Variants in STK31 observed in about 807,000 individuals in gnomAD.
The protein encoded by STK31 is serine/threonine kinase 31, also known as serine/threonine-protein kinase 31.
In STK31, 89 loss-of-function variants were observed where a neutral mutation model predicts 129.7. The ratio of observed to expected loss-of-function variants is 0.69; its 90% CI spans 0.58 to 0.82. The LOEUF (loss-of-function observed/expected upper bound fraction) is 0.82. Among genes scored for constraint, STK31 ranks in the 40% least tolerant of loss-of-function variants. The probability of loss-of-function intolerance (pLI) is 0.00; values close to 1 mark genes in which losing one functional copy is unlikely to be tolerated. For synonymous variants in STK31, 448 were observed against 395.3 expected (o/e 1.13, Z -1.58); for missense variants, 1,187 against 1,176.4 (o/e 1.01, Z -0.13).
chr7:23,791,045 GA>G, intron 22 of STK31, 99 bp downstream of exon 22: 1 of 1,117,192 alleles, frequency 9.0e-7, no homozygotes, highest in Non-Finnish European at 1.2e-6. Context: ...AAAAGCAGCA[GA>G]CTTTTAGTAG....
intron 23 of STK31, among the ~76,000 whole-genome samples, chr7:23,822,720 A>G (rs1213253503): frequency 6.6e-6 from 1 of 152,246 alleles, no homozygotes; most frequent in East Asian, 1.9e-4. Flanking sequence ...GTCATTTAGC[A>G]TTAGGTGTAT....
At chr7:23,727,556 C>CTTTTTTTTTTTTTT (rs58066410) in intron 5 of STK31, 1 of 125,356 alleles carries the variant, frequency 8.0e-6, no homozygotes, top group Non-Finnish European at 1.3e-5. Flanking sequence ...TACCTCAGTT[C>CTTTTTTTTTTTTTT]TTTTTTTTTT....
intron 10 of STK31, among the ~76,000 whole-genome samples, chr7:23,756,397 G>A (rs1229465154): frequency 1.3e-5 from 2 of 152,118 alleles, no homozygotes; most frequent in South Asian, 2.1e-4. Context: ...CGTTTTTGGG[G>A]TGAGACGATG....
chr7:23,754,743 T>A (rs569224762), intron 10 of STK31, among the ~76,000 whole-genome samples: 9 of 152,278 alleles, frequency 5.9e-5, no homozygotes, highest in African/African-American at 2.2e-4. Flanking sequence ...AGTGAGAACA[T>A]GTAGTGTTTG....
At position 23,770,987 on chromosome 7, in the gene STK31, G is replaced by C; in HGVS notation, c.1714-18G>C. On this transcript the variant is annotated intron_variant, in intron 13 of 23. Coordinates refer to ENST00000355870, the MANE Select transcript of STK31 (RefSeq NM_031414.5). Reference sequence around the variant, plus strand: ...GATATTCCTTTGTGTATAATTCTATGTGTGTGATTTCATTTAGGATCAAGG... The same window carrying C: ...GATATTCCTTTGTGTATAATTCTATCTGTGTGATTTCATTTAGGATCAAGG... 1 of 1,603,448 alleles carries C rather than the reference G, an allele frequency of 6.2e-7. No individual in the cohort carries two copies. Among genetic ancestry groups the C allele is most frequent in the Non-Finnish European group, 8.5e-7 (1 of 1,175,712 alleles).
intron 8 of STK31, 135 bp from the exon 9 acceptor site, chr7:23,752,582 C>G: frequency 1.5e-6 from 1 of 666,776 alleles, no homozygotes; most frequent in East Asian, 2.9e-5. Flanking sequence ...CTCAAACCAT[C>G]TGTCCTCCTT....
intron 9 of STK31, among the ~76,000 whole-genome samples, chr7:23,753,484 C>A (rs148876168): frequency 1.3e-5 from 2 of 152,126 alleles, no homozygotes; most frequent in East Asian, 3.9e-4. Context: ...TTGGAATAAG[C>A]GGGTTGGAAA....
chr7:23,804,607 CTT>C (rs1483833937), intron 22 of STK31, among the ~76,000 whole-genome samples: 6 of 152,174 alleles, frequency 3.9e-5, no homozygotes, highest in East Asian at 1.9e-4. Context: ...TATTCCGACT[CTT>C]AATATATTTC....
At chr7:23,828,640 G>A (rs562658574) in intron 23 of STK31, among the ~76,000 whole-genome samples, 26 of 152,306 alleles carry the variant, frequency 1.7e-4, no homozygotes, top group Admixed American at 2.6e-4. Context: ...AGATGAACCC[G>A]TTACCTCAGT....
At position 23,712,149 on chromosome 7, in the gene STK31, C is replaced by T. The variant is rs1211047373; in HGVS notation, c.97+4C>T. 1 of 1,613,186 alleles carries T rather than the reference C, an allele frequency of 6.2e-7. No individual in the cohort carries two copies. The highest frequency in any genetic ancestry group is 8.5e-7 in the Non-Finnish European group (1 of 1,179,274). Reference sequence around the variant, plus strand: ...GAAGATACACATTACGATAAAGGTACTGACACTAAAAATTATTTTGGGGTG... The same window carrying T: ...GAAGATACACATTACGATAAAGGTATTGACACTAAAAATTATTTTGGGGTG... On this transcript the variant is annotated splice_donor_region_variant and intron_variant, in intron 2 of 23. Transcript: ENST00000355870.
At chr7:23,719,157 T>G (rs1786529823) in intron 4 of STK31, among the ~76,000 whole-genome samples, 1 of 152,098 alleles carries the variant, frequency 6.6e-6, no homozygotes, top group African/African-American at 2.4e-5. Context: ...TTTTTTCACT[T>G]TAATTTTCAT....
intron 8 of STK31, among the ~76,000 whole-genome samples, chr7:23,746,143 C>T (rs1000420632): frequency 2.0e-5 from 3 of 152,148 alleles, no homozygotes; most frequent in Admixed American, 6.5e-5. Context: ...AAAATGGCAG[C>T]ATGCTGTAGT....
chr7:23,762,304 A>G (rs983323897), intron 10 of STK31, among the ~76,000 whole-genome samples: 1 of 147,454 alleles, frequency 6.8e-6, no homozygotes, highest in African/African-American at 2.5e-5. Flanking sequence ...TACAGGATGG[A>G]TATATTAATA....
chr7:23,774,761 G>A (rs1383322444), intron 15 of STK31, among the ~76,000 whole-genome samples: 1 of 152,146 alleles, frequency 6.6e-6, no homozygotes, highest in African/African-American at 2.4e-5. Flanking sequence ...CTTTTGCTGT[G>A]CAGAAGCTCT....
At chr7:23,807,698 C>T (rs1471642303) in intron 22 of STK31, among the ~76,000 whole-genome samples, 2 of 151,918 alleles carry the variant, frequency 1.3e-5, no homozygotes, top group Admixed American at 1.3e-4. Context: ...TTTATTGTCT[C>T]ACAGGTTCTT....
At chr7:23,756,479 C>G (rs1008462461) in intron 10 of STK31, among the ~76,000 whole-genome samples, 3 of 152,064 alleles carry the variant, frequency 2.0e-5, no homozygotes, top group East Asian at 1.9e-4. Flanking sequence ...ATTTGAATAC[C>G]CTTTATTTCT....
intron 12 of STK31, 135 bp from the exon 13 acceptor site, chr7:23,769,505 C>T (rs1790052013): frequency 3.3e-6 from 2 of 598,910 alleles, no homozygotes; most frequent in Non-Finnish European, 5.7e-6. Context: ...TGAGGGTAGG[C>T]ACTTTTTTTT....
At chr7:23,764,818 T>C (rs1249999501) in intron 11 of STK31, among the ~76,000 whole-genome samples, 1 of 152,144 alleles carries the variant, frequency 6.6e-6, no homozygotes, top group African/African-American at 2.4e-5. Context: ...TTTAAAAATG[T>C]GTATCCCCCC....
chr7:23,711,532 G>A (rs1459944270), intron 1 of STK31, among the ~76,000 whole-genome samples: 1 of 151,748 alleles, frequency 6.6e-6, no homozygotes, highest in South Asian at 2.1e-4. Flanking sequence ...ATTACATAGT[G>A]TACATTTATT....
Sources: gnomAD v4.1 joint callset for allele counts (sites outside exome capture counted in the v4.1 genomes callset) on GRCh38, gnomAD v4.1.1 for gene constraint, MANE v1.5 for transcripts, NCBI Gene and HGNC (gene_info 2026-07-23, HGNC 2026-07-21) for gene names.